COLEC10: variants seen among roughly 807,000 people sequenced by gnomAD.
COLEC10 encodes collectin subfamily member 10.
A neutral mutation model predicts 28.4 loss-of-function variants in COLEC10; 22 were observed. The ratio of observed to expected loss-of-function variants is 0.78; its 90% CI spans 0.55 to 1.11. The LOEUF (loss-of-function observed/expected upper bound fraction) is 1.11, where lower values mean the gene tolerates loss of function less well. COLEC10 is among the 50% of genes least tolerant of loss of function. COLEC10 has a pLI of 0.00. For missense variants in COLEC10, 361 were observed against 344.1 expected, an observed-to-expected ratio of 1.05 and a Z score of -0.39; for synonymous variants, 125 against 116.1, an observed-to-expected ratio of 1.08 and a Z score of -0.49.
chr8:119,000,323 G>A (rs1813670313), intron 1 of COLEC10, among the ~76,000 whole-genome samples: 1 of 152,176 alleles, frequency 6.6e-6, no homozygotes, highest in African/African-American at 2.4e-5. Context: ...GAGTTTCCTA[G>A]AGAAGTGTGA....
At chr8:118,977,753 A>T in the COLEC10 span, among the ~76,000 whole-genome samples, 1 of 130,792 alleles carries the variant, frequency 7.6e-6, no homozygotes, top group African/African-American at 3.4e-5. Flanking sequence ...TAATAATAAT[A>T]AATAAATAAA....
intron 2 of COLEC10, among the ~76,000 whole-genome samples, chr8:119,048,336 CAG>C (rs1225539868): frequency 6.6e-6 from 1 of 152,176 alleles, no homozygotes; most frequent in Non-Finnish European, 1.5e-5. Flanking sequence ...TTCTTTTTTA[CAG>C]AGTGTTCTGT....
the COLEC10 span, among the ~76,000 whole-genome samples, chr8:118,972,396 C>A: frequency 3.9e-5 from 6 of 151,962 alleles, no homozygotes; most frequent in Non-Finnish European, 7.4e-5. Context: ...CTCTTACCAT[C>A]TCCCAGGGAG....
upstream of COLEC10, chr8:119,063,102 T>C (rs1814887993): frequency 6.6e-6 from 1 of 152,222 alleles, no homozygotes; most frequent in Admixed American, 6.5e-5. Flanking sequence ...TATGCTTTTT[T>C]CGTATCCTGG....
intron 2 of COLEC10, among the ~76,000 whole-genome samples, chr8:119,040,052 C>T (rs1406974596): frequency 2.6e-5 from 4 of 152,156 alleles, no homozygotes; most frequent in Non-Finnish European, 5.9e-5. Flanking sequence ...TACCCTTTTA[C>T]TCACATCTGT....
At chr8:118,960,179 A>G in the COLEC10 span, among the ~76,000 whole-genome samples, 2 of 152,102 alleles carry the variant, frequency 1.3e-5, no homozygotes, top group Non-Finnish European at 2.9e-5. Context: ...TAGAACAGGT[A>G]CTATAGCATG....
the COLEC10 span, among the ~76,000 whole-genome samples, chr8:118,978,631 A>G: frequency 6.6e-6 from 1 of 152,096 alleles, no homozygotes; most frequent in Non-Finnish European, 1.5e-5. Context: ...TTGAACATAA[A>G]TCACCTTGCA....
At chr8:119,004,350 T>A (rs1474382881) in intron 1 of COLEC10, among the ~76,000 whole-genome samples, 2 of 151,798 alleles carry the variant, frequency 1.3e-5, no homozygotes, top group Non-Finnish European at 2.9e-5. Flanking sequence ...CTTGTGTTAC[T>A]TCACTTTCAA....
the COLEC10 span, among the ~76,000 whole-genome samples, chr8:118,971,866 A>G: frequency 6.6e-6 from 1 of 151,964 alleles, no homozygotes; most frequent in African/African-American, 2.4e-5. Context: ...CAGTTTGCTT[A>G]AACTGTTTTT....
chr8:119,078,381 A>G (rs1378142697), intron 1 of COLEC10, among the ~76,000 whole-genome samples: 2 of 152,164 alleles, frequency 1.3e-5, no homozygotes, highest in East Asian at 1.9e-4. Context: ...CTTCTTAGGC[A>G]GAGAAATCTC....
At chr8:119,021,034 C>T (rs1447409608) in intron 2 of COLEC10, among the ~76,000 whole-genome samples, 1 of 152,040 alleles carries the variant, frequency 6.6e-6, no homozygotes, top group Non-Finnish European at 1.5e-5. Context: ...AAATTGATGT[C>T]AGTTATTATT....
chr8:119,076,212 A>C (rs1359853757), intron 1 of COLEC10, among the ~76,000 whole-genome samples: 5 of 150,408 alleles, frequency 3.3e-5, no homozygotes, highest in Non-Finnish European at 1.5e-5. Context: ...CATCCAGCCA[A>C]TCAGCCATAT....
At chr8:119,039,094 C>G (rs1032387517) in intron 2 of COLEC10, among the ~76,000 whole-genome samples, 1 of 152,136 alleles carries the variant, frequency 6.6e-6, no homozygotes, top group South Asian at 2.1e-4. Context: ...ACAGCCCCAT[C>G]TCTCACCATG....
the COLEC10 span, among the ~76,000 whole-genome samples, chr8:118,977,771 A>G: frequency 1.3e-5 from 2 of 150,042 alleles, no homozygotes; most frequent in Non-Finnish European, 3.0e-5. Context: ...AAATAAATAA[A>G]TAATCAACTA....
chr8:118,964,265 C>A, the COLEC10 span, among the ~76,000 whole-genome samples: 1 of 152,150 alleles, frequency 6.6e-6, no homozygotes, highest in African/African-American at 2.4e-5. Context: ...TATCTGCATG[C>A]ACTTTTAATT....
At chr8:119,036,162 G>A (rs1814386875) in intron 2 of COLEC10, among the ~76,000 whole-genome samples, 1 of 152,088 alleles carries the variant, frequency 6.6e-6, no homozygotes, top group Non-Finnish European at 1.5e-5. Flanking sequence ...CTCTCCCCAA[G>A]AATATCCATT....
chr8:118,967,946 A>G, the COLEC10 span, among the ~76,000 whole-genome samples: 34 of 152,186 alleles, frequency 2.2e-4, no homozygotes, highest in East Asian at 4.3e-3. Flanking sequence ...CTAGGGGTAT[A>G]TTGGACTGGA....
chr8:119,000,986 A>C (rs568418091), intron 1 of COLEC10, among the ~76,000 whole-genome samples: 8 of 152,296 alleles, frequency 5.3e-5, no homozygotes, highest in East Asian at 1.9e-4. Context: ...AGGTATTAAC[A>C]AAAGGGCAGA....
intron 1 of COLEC10, among the ~76,000 whole-genome samples, chr8:119,080,424 C>T (rs992685440): frequency 1.1e-4 from 17 of 152,238 alleles, no homozygotes; most frequent in Non-Finnish European, 2.5e-4. Flanking sequence ...GACATTAATA[C>T]AAACAGTTAA....
Sources: allele counts gnomAD v4.1 joint callset (sites outside exome capture counted in the v4.1 genomes callset), GRCh38; gene constraint gnomAD v4.1.1; transcripts MANE v1.5; gene names NCBI Gene and HGNC (gene_info 2026-07-23, HGNC 2026-07-21).